Variants in CLSTN2 observed in about 807,000 individuals in gnomAD.
The protein encoded by CLSTN2 is calsyntenin 2.
Under a neutral mutation model 101.2 loss-of-function variants are expected in CLSTN2, and 48 were observed. That is an observed-to-expected ratio of 0.47 (90% CI 0.38 to 0.60). CLSTN2 has a LOEUF of 0.60. Ranked by LOEUF, CLSTN2 falls within the 20% of genes least tolerant of loss-of-function variation. The pLI is 0.00. For synonymous variants in CLSTN2, 481 were observed against 463.6 expected (o/e 1.04, Z -0.48); for missense variants, 1,160 against 1,238.2 (o/e 0.94, Z 0.95).
intron 2 of CLSTN2, among the ~76,000 whole-genome samples, chr3:140,245,822 G>A (rs1038442807): frequency 2.0e-5 from 3 of 152,228 alleles, no homozygotes; most frequent in African/African-American, 7.2e-5. Context: ...GACTTGCAGT[G>A]GCTTTGGACA....
chr3:140,231,835 C>T lies in CLSTN2; in HGVS notation c.232+55762C>T, dbSNP rs149842766. Among the ~76,000 whole-genome samples, 1,500 of 152,292 alleles carry T rather than the reference C, an allele frequency of 9.8e-3. 10 individuals are homozygous for T. The highest frequency in any genetic ancestry group is 0.015 in the Non-Finnish European group (1,052 of 68,016). ...CTTTGCTGAATGAAAGATTTCAGGT[C>T]AATTCAAGCTGTGTAGTGTAGTAGT... On this transcript the variant is annotated intron_variant, in intron 2 of 16. Transcript: ENST00000458420.
intron 2 of CLSTN2, among the ~76,000 whole-genome samples, chr3:140,353,244 T>TATATATATATATATATGTATGTTTACAC (rs2087631335): frequency 4.3e-4 from 16 of 37,062 alleles, no homozygotes; most frequent in Non-Finnish European, 1.1e-3. Flanking sequence ...TGTTTACACA[T>TATATATATATATATATGTATGTTTACAC]ATATATATAT....
chr3:140,439,723 A>C (rs2088737984), intron 5 of CLSTN2, among the ~76,000 whole-genome samples: 1 of 148,168 alleles, frequency 6.7e-6, no homozygotes, highest in African/African-American at 2.5e-5. Context: ...GTGCACATGC[A>C]AACACACACA....
chr3:140,241,567 C>A (rs2086467062), intron 2 of CLSTN2, among the ~76,000 whole-genome samples: 2 of 152,056 alleles, frequency 1.3e-5, no homozygotes, highest in South Asian at 2.1e-4. Context: ...TCTAGTTTCC[C>A]AGACTCTTCT....
intron 1 of CLSTN2, among the ~76,000 whole-genome samples, chr3:140,015,254 G>C (rs1470066919): frequency 6.6e-6 from 1 of 152,174 alleles, no homozygotes; most frequent in Non-Finnish European, 1.5e-5. Context: ...TCAGATCTCT[G>C]TCCAGGAAGA....
intron 1 of CLSTN2, among the ~76,000 whole-genome samples, chr3:139,947,834 T>C (rs907691324): frequency 4.2e-5 from 6 of 142,626 alleles, no homozygotes; most frequent in African/African-American, 7.3e-5. Flanking sequence ...ATAAAGCATT[T>C]TTATTGCACT....
At chr3:140,073,813 T>C (rs2008437324) in intron 1 of CLSTN2, among the ~76,000 whole-genome samples, 1 of 152,198 alleles carries the variant, frequency 6.6e-6, no homozygotes, top group African/African-American at 2.4e-5. Flanking sequence ...CAAAAGAAAG[T>C]GACTGGCAGT....
At chr3:140,427,683 A>G (rs2088587454) in intron 5 of CLSTN2, among the ~76,000 whole-genome samples, 1 of 152,140 alleles carries the variant, frequency 6.6e-6, no homozygotes, top group South Asian at 2.1e-4. Flanking sequence ...ACGGGCTGCT[A>G]GATAGCCTGT....
intron 2 of CLSTN2, among the ~76,000 whole-genome samples, chr3:140,201,585 CA>C (rs2010718162): frequency 6.6e-6 from 1 of 152,170 alleles, no homozygotes; most frequent in Non-Finnish European, 1.5e-5. Context: ...CAATGTTCTA[CA>C]ACTTCTATAA....
intron 8 of CLSTN2, among the ~76,000 whole-genome samples, chr3:140,486,573 G>C (rs1214527621): frequency 1.3e-5 from 2 of 152,208 alleles, no homozygotes; most frequent in East Asian, 3.9e-4. Flanking sequence ...TTAGTTCAGA[G>C]TCTATGAGTA....
chr3:140,570,731 T>TA lies in CLSTN2; in HGVS notation c.*4483dup, dbSNP rs1382098457. The TA allele has an allele frequency of 1.3e-5, 2 of 152,222 alleles. No individual in the cohort carries two copies. The highest frequency in any genetic ancestry group is 4.8e-5 in the African/African-American group (2 of 41,464). 9.4% of individuals were successfully genotyped at this position (152,222 alleles called of 1,614,324 possible). ...TTACATTTTTAATAATTTAAAAATA[T>TA]AAAAACCTTCCTCAGCCCACAGGCC... is the stretch of plus-strand genomic sequence containing the variant. On this transcript the variant is annotated 3_prime_UTR_variant, in exon 17 of 17. Transcript: ENST00000458420.
intron 1 of CLSTN2, among the ~76,000 whole-genome samples, chr3:140,117,429 C>T (rs1219622764): frequency 6.6e-6 from 1 of 152,144 alleles, no homozygotes; most frequent in Non-Finnish European, 1.5e-5. Flanking sequence ...ACAGAGCTAA[C>T]AGTACCTCCC....
chr3:139,968,589 G>T (rs1340483227), intron 1 of CLSTN2, among the ~76,000 whole-genome samples: 1 of 152,174 alleles, frequency 6.6e-6, no homozygotes, highest in East Asian at 1.9e-4. Context: ...TCAGCACCTT[G>T]ATCTTGGACA....
chr3:140,435,535 G>T (rs2088676477), intron 5 of CLSTN2, among the ~76,000 whole-genome samples: 1 of 152,164 alleles, frequency 6.6e-6, no homozygotes, highest in South Asian at 2.1e-4. Context: ...ACATAGGTGT[G>T]CAGATATCTC....
intron 2 of CLSTN2, among the ~76,000 whole-genome samples, chr3:140,275,852 G>C (rs1371345092): frequency 2.0e-5 from 3 of 152,218 alleles, no homozygotes; most frequent in Non-Finnish European, 4.4e-5. Context: ...TGAGGTCAAT[G>C]TGGACTGTGA....
chr3:140,171,815 ATATAT>A lies in CLSTN2; in HGVS notation c.110-4130_110-4126del, dbSNP rs1445179637. 2.4e-3 allele frequency among the ~76,000 whole-genome samples: 245 copies of A among 103,652 alleles called. 2 individuals are homozygous for A. The highest frequency in any genetic ancestry group is 8.9e-3 in the African/African-American group (233 of 26,242). The allele number at this position is 103,652 out of a possible 152,430, so 68.0% of individuals were successfully genotyped here. A position where few individuals can be genotyped will look rare whatever the true frequency, so the allele number is the denominator to read the frequency against. ...TAATATATAATATGTATTATATATT[ATATAT>A]TATATATAATAACAATATATAATAT... On this transcript the variant is annotated intron_variant, in intron 1 of 16. Transcript: ENST00000458420.
chr3:140,383,598 G>A (rs1294346133), intron 2 of CLSTN2, among the ~76,000 whole-genome samples: 1 of 152,096 alleles, frequency 6.6e-6, no homozygotes, highest in Admixed American at 6.5e-5. Context: ...ATCTTACTGG[G>A]GATAGTATAA....
chr3:140,168,055 T>A (rs1000099254), intron 1 of CLSTN2, among the ~76,000 whole-genome samples: 1 of 152,324 alleles, frequency 6.6e-6, no homozygotes, highest in Non-Finnish European at 1.5e-5. Flanking sequence ...ATGTTTTCAT[T>A]CCTCTTGGGT....
At chr3:140,502,782 GA>G (rs1934608059) in intron 8 of CLSTN2, among the ~76,000 whole-genome samples, 1 of 152,192 alleles carries the variant, frequency 6.6e-6, no homozygotes, top group Non-Finnish European at 1.5e-5. Context: ...GAACATTGAG[GA>G]AATCAGTTTG....
Sources: gnomAD v4.1 joint callset for allele counts (sites outside exome capture counted in the v4.1 genomes callset) on GRCh38, gnomAD v4.1.1 for gene constraint, MANE v1.5 for transcripts, NCBI Gene and HGNC (gene_info 2026-07-23, HGNC 2026-07-21) for gene names.